The following CDH12 variants were observed in gnomAD, a reference collection of about 807,000 sequenced individuals.
CDH12 encodes the protein cadherin 12.
Under a neutral mutation model 74.1 loss-of-function variants are expected in CDH12, and 41 were observed. The ratio of observed to expected loss-of-function variants is 0.55; its 90% CI spans 0.43 to 0.72. CDH12 has a LOEUF of 0.72. Among genes scored for constraint, CDH12 ranks in the 30% least tolerant of loss-of-function variants. CDH12 has a pLI of 0.00. For missense variants in CDH12, 945 were observed against 977.2 expected, an observed-to-expected ratio of 0.97 and a Z score of 0.44; for synonymous variants, 399 against 355.0, an observed-to-expected ratio of 1.12 and a Z score of -1.39.
intron 1 of CDH12, among the ~76,000 whole-genome samples, chr5:22,665,395 G>A (rs774029997): frequency 6.6e-6 from 1 of 152,154 alleles, no homozygotes; most frequent in South Asian, 2.1e-4. Flanking sequence ...CTGGAGGAAA[G>A]TGAATTATAT....
intron 1 of CDH12, among the ~76,000 whole-genome samples, chr5:22,692,247 A>G (rs568965031): frequency 6.6e-6 from 1 of 152,282 alleles, no homozygotes; most frequent in Admixed American, 6.5e-5. Context: ...ACAGATGCAG[A>G]TGGTGGTGTC....
intron 1 of CDH12, among the ~76,000 whole-genome samples, chr5:22,709,346 A>C (rs1743180897): frequency 6.6e-6 from 1 of 152,232 alleles, no homozygotes; most frequent in Non-Finnish European, 1.5e-5. Context: ...CACCTAAAAA[A>C]TAGCCTGAAA....
chr5:22,594,058 A>C (rs1209235573), intron 1 of CDH12, among the ~76,000 whole-genome samples: 1 of 152,222 alleles, frequency 6.6e-6, no homozygotes, highest in East Asian at 1.9e-4. Context: ...GTTCAAACCC[A>C]TGTGGTCTAA....
At chr5:22,468,908 C>T (rs1230557424) in intron 2 of CDH12, among the ~76,000 whole-genome samples, 2 of 152,128 alleles carry the variant, frequency 1.3e-5, no homozygotes, top group African/African-American at 2.4e-5. Flanking sequence ...TCACATGATA[C>T]ACTTTCTATG....
intron 5 of CDH12, among the ~76,000 whole-genome samples, chr5:21,988,135 C>A (rs1474973486): frequency 6.6e-6 from 1 of 152,152 alleles, no homozygotes; most frequent in South Asian, 2.1e-4. Context: ...CTCCCCTCCT[C>A]CCCCCATATA....
chr5:22,765,738 TG>T (rs1450136901), intron 1 of CDH12, among the ~76,000 whole-genome samples: 1 of 151,812 alleles, frequency 6.6e-6, no homozygotes, highest in Non-Finnish European at 1.5e-5. Flanking sequence ...TAATAAGAAA[TG>T]TAGAAAAGTA....
At chr5:22,133,787 T>C (rs1375321343) in intron 4 of CDH12, among the ~76,000 whole-genome samples, 1 of 147,016 alleles carries the variant, frequency 6.8e-6, no homozygotes, top group Non-Finnish European at 1.5e-5. Flanking sequence ...TTGTTGATGG[T>C]GAACAGTTAA....
At chr5:22,056,103 G>A (rs914870090) in intron 5 of CDH12, among the ~76,000 whole-genome samples, 4 of 152,004 alleles carry the variant, frequency 2.6e-5, no homozygotes, top group African/African-American at 9.7e-5. Flanking sequence ...TAAGGCAGAT[G>A]TTATATAAAA....
chr5:22,413,612 T>A (rs1743254762), intron 2 of CDH12, among the ~76,000 whole-genome samples: 4 of 152,150 alleles, frequency 2.6e-5, no homozygotes. Flanking sequence ...TCAACAAATC[T>A]GGCTGTGCTG....
At position 22,565,223 on chromosome 5, in the gene CDH12, C is replaced by T. The variant is rs573166917; in HGVS notation, c.-522-59859G>A. 2.9e-4 allele frequency among the ~76,000 whole-genome samples: 44 copies of T among 152,256 alleles called. 1 individual carries two copies. The highest frequency in any genetic ancestry group is 1.0e-3 in the African/African-American group (43 of 41,550). On this transcript the variant is annotated intron_variant, in intron 1 of 14. Coordinates refer to ENST00000382254, the MANE Select transcript of CDH12 (RefSeq NM_004061.5). ...TGCTGGGATTATAGGCATGAGCTAC[C>T]ACGCCTGGCTTTGATTTCCTTTCTT...
chr5:21,981,234 T>G (rs1294519028), intron 5 of CDH12, among the ~76,000 whole-genome samples: 1 of 151,608 alleles, frequency 6.6e-6, no homozygotes, highest in Admixed American at 6.6e-5. Flanking sequence ...GATATCTGAG[T>G]GTCTTTGTTT....
chr5:22,802,185 G>A (rs1370617140), intron 1 of CDH12, among the ~76,000 whole-genome samples: 17 of 145,650 alleles, frequency 1.2e-4, no homozygotes, highest in Middle Eastern at 3.8e-3. Context: ...GCAGTGGCAC[G>A]ATCCAGGCTC....
chr5:22,708,121 T>A (rs898272487), intron 1 of CDH12, among the ~76,000 whole-genome samples: 1 of 152,122 alleles, frequency 6.6e-6, no homozygotes, highest in Non-Finnish European at 1.5e-5. Context: ...TGCACTGAAA[T>A]GCAAAAATAT....
chr5:21,918,936 A>G (rs1380997748), intron 6 of CDH12, among the ~76,000 whole-genome samples: 2 of 152,180 alleles, frequency 1.3e-5, no homozygotes, highest in Admixed American at 1.3e-4. Flanking sequence ...TTTCAGTTTT[A>G]CAAAGTCATA....
chr5:22,280,548 C>T (rs1009356593), intron 3 of CDH12, among the ~76,000 whole-genome samples: 7 of 152,074 alleles, frequency 4.6e-5, no homozygotes, highest in Non-Finnish European at 8.8e-5. Context: ...GATATCACCA[C>T]CGATCCCACA....
intron 4 of CDH12, among the ~76,000 whole-genome samples, chr5:22,198,683 C>T (rs1436676360): frequency 2.0e-5 from 3 of 152,092 alleles, no homozygotes; most frequent in African/African-American, 7.2e-5. Context: ...ATGCACAAAA[C>T]TCAAGGCAGG....
chr5:22,426,732 C>CT (rs1743955790), intron 2 of CDH12, among the ~76,000 whole-genome samples: 1 of 151,968 alleles, frequency 6.6e-6, no homozygotes, highest in Non-Finnish European at 1.5e-5. Flanking sequence ...TAAAAGTGAA[C>CT]TTTTTTCTCA....
intron 4 of CDH12, among the ~76,000 whole-genome samples, chr5:22,206,604 C>A (rs1350865983): frequency 7.5e-6 from 1 of 133,528 alleles, no homozygotes; most frequent in Non-Finnish European, 1.5e-5. Context: ...TTATTTAAGT[C>A]ACATAGCAGT....
intron 3 of CDH12, among the ~76,000 whole-genome samples, chr5:22,355,835 A>C (rs1445958051): frequency 6.6e-6 from 1 of 152,120 alleles, no homozygotes; most frequent in Non-Finnish European, 1.5e-5. Flanking sequence ...ACATGCACAA[A>C]TGTGTAGTTT....
Sources: allele counts gnomAD v4.1 joint callset (sites outside exome capture counted in the v4.1 genomes callset), GRCh38; gene constraint gnomAD v4.1.1; transcripts MANE v1.5; gene names NCBI Gene and HGNC (gene_info 2026-07-23, HGNC 2026-07-21).